Variants in PPP4R2 observed in about 807,000 individuals in gnomAD.
PPP4R2 encodes serine/threonine-protein phosphatase 4 regulatory subunit 2.
Under a neutral mutation model 47.2 loss-of-function variants are expected in PPP4R2, and 13 were observed. That is an observed-to-expected ratio of 0.28 (90% confidence interval 0.18 to 0.44). PPP4R2 has a LOEUF of 0.44. PPP4R2 is among the 20% of genes least tolerant of loss of function. The pLI is 1.00. For synonymous variants in PPP4R2, 151 were observed against 163.3 expected (o/e 0.92, Z 0.57); for missense variants, 421 against 491.2 (o/e 0.86, Z 1.35).
intron 3 of PPP4R2, among the ~76,000 whole-genome samples, chr3:73,055,572 G>C (rs1411421423): frequency 6.6e-6 from 1 of 151,316 alleles, no homozygotes; most frequent in Non-Finnish European, 1.5e-5. Flanking sequence ...ATGCTAGCTA[G>C]TCATGTCCTT....
intron 2 of PPP4R2, among the ~76,000 whole-genome samples, chr3:73,001,239 T>C (rs1049940516): frequency 6.6e-6 from 1 of 152,142 alleles, no homozygotes; most frequent in Non-Finnish European, 1.5e-5. Flanking sequence ...AAAAAGTTTT[T>C]TTTTTGTTTA....
At chr3:73,027,705 T>C (rs756762842) in intron 2 of PPP4R2, 4 of 151,726 alleles carry the variant, frequency 2.6e-5, no homozygotes, top group South Asian at 4.2e-4. Context: ...TGAATAAATA[T>C]GTGAGCAGAC....
chr3:72,998,622 G>T (rs922081811), intron 2 of PPP4R2, among the ~76,000 whole-genome samples: 18 of 151,988 alleles, frequency 1.2e-4, no homozygotes, highest in African/African-American at 3.9e-4. Context: ...TCTATTTATC[G>T]TCTGGAGGAC....
intron 3 of PPP4R2, among the ~76,000 whole-genome samples, chr3:73,055,417 C>CATGTGTGTGTGT (rs1490495308): frequency 6.5e-5 from 9 of 137,414 alleles, no homozygotes; most frequent in African/African-American, 2.5e-4. Flanking sequence ...AGTGGGGTAG[C>CATGTGTGTGTGT]GTGTGTGTGT....
chr3:73,045,752 C>T (rs942480504), intron 2 of PPP4R2, among the ~76,000 whole-genome samples: 18 of 152,186 alleles, frequency 1.2e-4, no homozygotes, highest in Admixed American at 8.5e-4. Context: ...ATCTCGAACT[C>T]CTGACCTCAG....
intron 2 of PPP4R2, among the ~76,000 whole-genome samples, chr3:73,020,286 C>G (rs1701931821): frequency 2.0e-5 from 3 of 152,080 alleles, no homozygotes; most frequent in Admixed American, 2.0e-4. Context: ...GTCCTAGGCT[C>G]AAGCAGTCCT....
intron 2 of PPP4R2, among the ~76,000 whole-genome samples, chr3:73,035,618 G>A (rs909609430): frequency 2.0e-5 from 3 of 151,994 alleles, no homozygotes; most frequent in African/African-American, 7.2e-5. Flanking sequence ...AGAGATACCT[G>A]CACTTTCTTT....
rs1559544635 is a variant in PPP4R2 at position 73,002,624 on chromosome 3, C to CT, written c.116+4470dup. Among the ~76,000 whole-genome samples, 68 of 66,980 alleles carry CT rather than the reference C, an allele frequency of 1.0e-3. 2 individuals are homozygous for CT. Among genetic ancestry groups the CT allele is most frequent in the African/African-American group, 3.9e-3 (55 of 14,164 alleles). 43.9% of individuals were successfully genotyped at this position (66,980 alleles called of 152,430 possible). A position where few individuals can be genotyped will look rare whatever the true frequency, so the allele number is the denominator to read the frequency against. ...AGGGATTTTTCTTTTCTTTTCTTTT[C>CT]TTTTCTTTTCTTTTTTTTTTTTTTT... On this transcript the variant is annotated intron_variant, in intron 2 of 8. Coordinates refer to ENST00000356692, the MANE Select transcript of PPP4R2 (RefSeq NM_174907.4).
At chr3:73,011,818 A>G (rs17010350) in intron 2 of PPP4R2, among the ~76,000 whole-genome samples, 2,984 of 152,286 alleles carry the variant, frequency 0.02, 86 homozygotes, top group African/African-American at 0.054. Context: ...TAATATATGC[A>G]TCTTGGATTT....
chr3:73,014,999 C>T (rs1343423850), intron 2 of PPP4R2: 2 of 676,602 alleles, frequency 3.0e-6, no homozygotes, highest in Non-Finnish European at 5.4e-6. Context: ...CAGCCTCACC[C>T]AGTCGTAATT....
rs148100275 is a variant in PPP4R2, at chr3:73,039,823, C to T, written c.117-7363C>T. Among the ~76,000 whole-genome samples, 226 of 152,224 alleles carry T rather than the reference C, an allele frequency of 1.5e-3. 1 individual carries two copies. Among genetic ancestry groups the T allele is most frequent in the African/African-American group, 4.6e-3 (192 of 41,554 alleles). ...ATCCCAGCACTTTGGGAGGCCAAGG[C>T]GGCGAATCACCTGAAGTGTCAGGAG... On this transcript the variant is annotated intron_variant, in intron 2 of 8. Transcript: ENST00000356692.
intron 2 of PPP4R2, among the ~76,000 whole-genome samples, chr3:73,028,330 G>T (rs992543461): frequency 3.3e-4 from 50 of 151,530 alleles, no homozygotes; most frequent in African/African-American, 1.2e-3. Flanking sequence ...GAGCCACCAT[G>T]CCTGGCCCAG....
Position 73,063,654 on chromosome 3 carries a change from G to T in PPP4R2, c.420-19G>T. Reference sequence around the variant, plus strand: ...AAAAAAAATTAAGTCATCCACAAGTGTATTTTCTTTTCTTATAGGAAAAAC... The same window carrying T: ...AAAAAAAATTAAGTCATCCACAAGTTTATTTTCTTTTCTTATAGGAAAAAC... On this transcript the variant is annotated intron_variant, in intron 5 of 8. Transcript: ENST00000356692. 1.4e-6 allele frequency: 2 copies of T among 1,447,722 alleles called. No homozygotes were observed. Among genetic ancestry groups the T allele is most frequent in the Non-Finnish European group, 1.9e-6 (2 of 1,030,824 alleles). The allele number at this position is 1,447,722 out of a possible 1,614,324, so 89.7% of individuals were successfully genotyped here. A position where few individuals can be genotyped will look rare whatever the true frequency, so the allele number is the denominator to read the frequency against.
At position 73,016,738 on chromosome 3, in the gene PPP4R2, TATTA is replaced by T. The variant is rs368050361; in HGVS notation, c.116+18581_116+18584del. Among the ~76,000 whole-genome samples, 145 of 108,268 alleles carry T rather than the reference TATTA, an allele frequency of 1.3e-3. 1 individual carries two copies. The highest frequency in any genetic ancestry group is 2.3e-3 in the South Asian group (7 of 3,096). 71.0% of individuals were successfully genotyped at this position (108,268 alleles called of 152,430 possible). ...GCTTTATTGGTTCATTGTTTATTTT[TATTA>T]TTTTTTTTTTTTAATACAGAGTCTC... On this transcript the variant is annotated intron_variant, in intron 2 of 8. Coordinates refer to ENST00000356692, the MANE Select transcript of PPP4R2 (RefSeq NM_174907.4).
At chr3:73,054,164 C>T (rs1042089681) in intron 3 of PPP4R2, among the ~76,000 whole-genome samples, 25 of 152,212 alleles carry the variant, frequency 1.6e-4, no homozygotes, top group Non-Finnish European at 5.9e-5. Context: ...GTGATCCACC[C>T]GCCTCGGTCC....
chr3:73,055,853 G>A (rs1226951458), intron 3 of PPP4R2, among the ~76,000 whole-genome samples: 1 of 152,060 alleles, frequency 6.6e-6, no homozygotes, highest in Non-Finnish European at 1.5e-5. Flanking sequence ...GGGATCGCCT[G>A]CTTCGGCTTC....
intron 2 of PPP4R2, among the ~76,000 whole-genome samples, chr3:73,020,642 C>T (rs945069122): frequency 4.7e-4 from 69 of 145,540 alleles, no homozygotes; most frequent in African/African-American, 1.7e-3. Flanking sequence ...TGCACTCCAG[C>T]CTGGGCCACA....
intron 2 of PPP4R2, among the ~76,000 whole-genome samples, chr3:73,003,199 T>C (rs9852945): frequency 0.39 from 57,846 of 150,074 alleles, 11,554 homozygotes; most frequent in African/African-American, 0.44. Context: ...ATATTGCTAT[T>C]ACGTAACTTT....
At chr3:73,025,016 T>C (rs1341600439) in intron 2 of PPP4R2, among the ~76,000 whole-genome samples, 3 of 152,160 alleles carry the variant, frequency 2.0e-5, no homozygotes, top group Non-Finnish European at 4.4e-5. Context: ...TGAGTTCCAG[T>C]CTTGGTGTCT....
Sources: gnomAD v4.1 joint callset for allele counts (sites outside exome capture counted in the v4.1 genomes callset) on GRCh38, gnomAD v4.1.1 for gene constraint, MANE v1.5 for transcripts, NCBI Gene and HGNC (gene_info 2026-07-23, HGNC 2026-07-21) for gene names.